The following ADCY5 variants were observed in gnomAD, a reference collection of about 807,000 sequenced individuals.
ADCY5 encodes adenylate cyclase 5.
Under a neutral mutation model 119.7 loss-of-function variants are expected in ADCY5, and 30 were observed. The observed-to-expected ratio is 0.25, with a 90% CI of 0.19 to 0.34. The LOEUF (loss-of-function observed/expected upper bound fraction) is 0.34, where lower values mean the gene tolerates loss of function less well. Ranked by LOEUF, ADCY5 falls within the 10% of genes least tolerant of loss-of-function variation. ADCY5 has a pLI of 1.00. For missense variants in ADCY5, 1,324 were observed against 1,775.2 expected (o/e 0.75, Z 4.57); for synonymous variants, 753 against 762.2 (o/e 0.99, Z 0.20).
intron 1 of ADCY5, among the ~76,000 whole-genome samples, chr3:123,431,471 G>A (rs1184319703): frequency 1.3e-5 from 2 of 152,146 alleles, no homozygotes; most frequent in Non-Finnish European, 2.9e-5. Flanking sequence ...AGAGAGAGGA[G>A]GAAAGAGCTA....
At chr3:123,386,882 G>A (rs769807312) in intron 1 of ADCY5, among the ~76,000 whole-genome samples, 1 of 152,162 alleles carries the variant, frequency 6.6e-6, no homozygotes, top group Admixed American at 6.5e-5. Context: ...CCGTCAGCGT[G>A]GAAGGGAACC....
intron 2 of ADCY5, among the ~76,000 whole-genome samples, chr3:123,348,393 C>A (rs1317270534): frequency 6.6e-6 from 1 of 152,146 alleles, no homozygotes; most frequent in Admixed American, 6.5e-5. Flanking sequence ...TTCTGGGGAC[C>A]AAGTGAGTTA....
chr3:123,447,510 G>A lies in ADCY5; in HGVS notation c.1036C>T (p.Arg346Cys). ...IYTIYTLLPV[R>C]MRAAVLSGVL... Reference sequence around the variant, plus strand: ...CCGCTGAGCACTGCGGCCCGCATGCGCACGGGCAGCAGCGTGTAGATGGTG... The same window carrying A: ...CCGCTGAGCACTGCGGCCCGCATGCACACGGGCAGCAGCGTGTAGATGGTG... Residue 346 changes from arginine (R) to cysteine (C), a missense_variant, in exon 1 of 21, where the codon CGC becomes TGC. This residue lies in a region of ADCY5 where 585 missense variants were observed against 569.9 expected (regional missense o/e 1.03). Transcript: ENST00000462833. 1 of 1,611,228 alleles carries A rather than the reference G, an allele frequency of 6.2e-7. No homozygotes were observed. Among genetic ancestry groups the A allele is most frequent in the Non-Finnish European group, 8.5e-7 (1 of 1,179,558 alleles).
intron 10 of ADCY5, among the ~76,000 whole-genome samples, chr3:123,319,073 G>A (rs184038505): frequency 1.3e-5 from 2 of 152,344 alleles, no homozygotes; most frequent in Admixed American, 6.5e-5. Context: ...CATAGAAACT[G>A]CTGGGCATGG....
At chr3:123,333,875 TC>T (rs1015404283) in intron 3 of ADCY5, among the ~76,000 whole-genome samples, 1 of 152,006 alleles carries the variant, frequency 6.6e-6, no homozygotes, top group African/African-American at 2.4e-5. Context: ...GAGTCCTCTA[TC>T]CCCTACAAGA....
At chr3:123,362,512 T>G (rs1943281700) in intron 1 of ADCY5, among the ~76,000 whole-genome samples, 1 of 152,224 alleles carries the variant, frequency 6.6e-6, no homozygotes, top group Admixed American at 6.5e-5. Context: ...TTATTTTTAA[T>G]TACTTATTCC....
intron 1 of ADCY5, among the ~76,000 whole-genome samples, chr3:123,414,488 G>A (rs1945138710): frequency 6.6e-6 from 1 of 152,210 alleles, no homozygotes; most frequent in East Asian, 1.9e-4. Flanking sequence ...CAGGGGATGA[G>A]GAGCTCCCAC....
chr3:123,292,270 G>C (rs1939197675), intron 17 of ADCY5, among the ~76,000 whole-genome samples: 1 of 152,232 alleles, frequency 6.6e-6, no homozygotes, highest in Non-Finnish European at 1.5e-5. Flanking sequence ...TGACTCTCAG[G>C]GCCCTGGCTG....
At chr3:123,360,875 T>C (rs940241246) in intron 1 of ADCY5, among the ~76,000 whole-genome samples, 1 of 152,138 alleles carries the variant, frequency 6.6e-6, no homozygotes, top group African/African-American at 2.4e-5. Context: ...ATCAAATCCC[T>C]GTAAGATAAG....
chr3:123,448,158 C>A lies in ADCY5; in HGVS notation c.388G>T (p.Ala130Ser), dbSNP rs1392733200. Residue 130 changes from alanine to serine, a missense_variant, in exon 1 of 21, where the codon GCG (alanine) becomes TCG (serine). Ala to Ser is a moderately conservative substitution (Grantham distance 99). This residue lies in a region of ADCY5 where 585 missense variants were observed against 569.9 expected (regional missense o/e 1.03). Transcript: ENST00000462833. The stretch of plus-strand genomic sequence containing the variant: ...CCGCCGCCGCCGCCCGCAGGGGGCG[C>A]CCGGGTGCTGCCCCCGCTGGCCGCG... ...RGAASGGSTR[A>S]PPAGGGGGSA... 4 of 1,066,398 alleles carry A rather than the reference C, an allele frequency of 3.8e-6. No homozygotes were observed. The South Asian group carries it at 1.3e-4, about 35-fold the overall frequency. The allele number at this position is 1,066,398 out of a possible 1,614,324, so 66.1% of individuals were successfully genotyped here.
At chr3:123,310,074 A>G (rs1366517256) in intron 12 of ADCY5, among the ~76,000 whole-genome samples, 1 of 149,480 alleles carries the variant, frequency 6.7e-6, no homozygotes, top group Non-Finnish European at 1.5e-5. Context: ...AAAGCAAGCC[A>G]TCAGGCTGGG....
intron 1 of ADCY5, among the ~76,000 whole-genome samples, chr3:123,444,454 G>C (rs904466173): frequency 6.6e-6 from 1 of 152,152 alleles, no homozygotes; most frequent in African/African-American, 2.4e-5. Context: ...CAGGCAGAGA[G>C]AGAGAAGGAG....
chr3:123,301,359 G>A (rs2108255444), intron 14 of ADCY5, among the ~76,000 whole-genome samples: 1 of 152,150 alleles, frequency 6.6e-6, no homozygotes, highest in East Asian at 1.9e-4. Context: ...GGATTGTGGG[G>A]GGAAGCCTCA....
At chr3:123,419,717 C>G (rs181507673) in intron 1 of ADCY5, among the ~76,000 whole-genome samples, 1 of 152,056 alleles carries the variant, frequency 6.6e-6, no homozygotes, top group African/African-American at 2.4e-5. Flanking sequence ...TCCACTGCTC[C>G]CCCTGCCAGC....
At chr3:123,377,514 CCTCT>C (rs1943877959) in intron 1 of ADCY5, among the ~76,000 whole-genome samples, 1 of 152,210 alleles carries the variant, frequency 6.6e-6, no homozygotes, top group African/African-American at 2.4e-5. Flanking sequence ...CACCTCCCTC[CCTCT>C]GAGTGCTGTG....
intron 5 of ADCY5, among the ~76,000 whole-genome samples, chr3:123,329,356 G>A (rs1463794805): frequency 1.3e-5 from 2 of 152,178 alleles, no homozygotes; most frequent in East Asian, 1.9e-4. Context: ...GCAGGTGCAG[G>A]GGCTTAGGGT....
At chr3:123,316,090 G>T (rs1264982328) in intron 11 of ADCY5, among the ~76,000 whole-genome samples, 1 of 152,040 alleles carries the variant, frequency 6.6e-6, no homozygotes, top group Non-Finnish European at 1.5e-5. Flanking sequence ...TTTTAATAAT[G>T]CCATTAAAAA....
chr3:123,400,892 C>T (rs1404441394), intron 1 of ADCY5, among the ~76,000 whole-genome samples: 1 of 151,476 alleles, frequency 6.6e-6, no homozygotes, highest in Non-Finnish European at 1.5e-5. Context: ...TGCACTGAGC[C>T]GAGATCACGC....
At position 123,396,811 on chromosome 3, in the gene ADCY5, CAGGCAG is replaced by C. The variant is rs1179227491; in HGVS notation, c.1135-44236_1135-44231del. ...GCAGGCAGGCAGGCAGGCAGGCAGGCAGGCAGGCGAGAGAGAGAGAGAGAGAGAGAG... is the reference window on the plus strand; with the variant it reads ...GCAGGCAGGCAGGCAGGCAGGCAGGCGCGAGAGAGAGAGAGAGAGAGAGAG... On this transcript the variant is annotated intron_variant, in intron 1 of 20. Coordinates refer to ENST00000462833, the MANE Select transcript of ADCY5 (RefSeq NM_183357.3). Among the ~76,000 whole-genome samples the C allele has an allele frequency of 1.5e-3, 119 of 81,160 alleles. 1 individual carries two copies. Among genetic ancestry groups the C allele is most frequent in the African/African-American group, 3.3e-3 (59 of 18,038 alleles). 53.2% of individuals were successfully genotyped at this position (81,160 alleles called of 152,430 possible).
Sources: gnomAD v4.1 joint callset for allele counts (sites outside exome capture counted in the v4.1 genomes callset) on GRCh38, gnomAD v4.1.1 for gene constraint, gnomAD v4.1.1 regional missense constraint, MANE v1.5 for transcripts, NCBI Gene and HGNC (gene_info 2026-07-23, HGNC 2026-07-21) for gene names.